GALP: variants seen among roughly 807,000 people sequenced by gnomAD.
GALP encodes the protein galanin like peptide.
A neutral mutation model predicts 15.2 loss-of-function variants in GALP; 12 were observed. The ratio of observed to expected loss-of-function variants is 0.79; its 90% confidence interval spans 0.51 to 1.28. The LOEUF (loss-of-function observed/expected upper bound fraction) is 1.28, where lower values mean the gene tolerates loss of function less well. GALP is among the 50% of genes most tolerant of loss of function. The pLI is 0.00. For synonymous variants in GALP, 58 were observed against 55.1 expected, an observed-to-expected ratio of 1.05 and a Z score of -0.23; for missense variants, 161 against 145.6, an observed-to-expected ratio of 1.11 and a Z score of -0.55.
At chr19:56,180,486 C>T in intron 2 of GALP, 100 bp from the exon 3 acceptor site, 1 of 953,016 alleles carries the variant, frequency 1.0e-6, no homozygotes, top group Non-Finnish European at 1.7e-6. Flanking sequence ...CTCCACAGGC[C>T]AGTGGGAAAG....
chr19:56,184,484 C>CTTTTTTTTTTTTTTTTTTTTT (rs11414322), intron 5 of GALP, among the ~76,000 whole-genome samples: 1 of 117,666 alleles, frequency 8.5e-6, no homozygotes, highest in Admixed American at 1.0e-4. Context: ...TTTTCTTTTT[C>CTTTTTTTTTTTTTTTTTTTTT]TTTTTTTTTT....
chr19:56,184,970 A>G (rs957978416), intron 5 of GALP, among the ~76,000 whole-genome samples: 1 of 152,044 alleles, frequency 6.6e-6, no homozygotes, highest in African/African-American at 2.4e-5. Flanking sequence ...CCTTCTTAAA[A>G]TGTGGGCGGA....
At chr19:56,183,937 G>C (rs1305558692) in intron 5 of GALP, among the ~76,000 whole-genome samples, 1 of 151,684 alleles carries the variant, frequency 6.6e-6, no homozygotes, top group Non-Finnish European at 1.5e-5. Context: ...TCCTAAATAA[G>C]ATCTTTATTT....
At chr19:56,180,459 G>A (rs1041372995) in intron 2 of GALP, 127 bp from the exon 3 acceptor site, 227 of 749,986 alleles carry the variant, frequency 3.0e-4, no homozygotes, top group Non-Finnish European at 7.8e-5. Context: ...GGTGCAATGG[G>A]GATTGAAATG....
At chr19:56,181,435 G>A (rs369210919) in intron 3 of GALP, among the ~76,000 whole-genome samples, 8 of 95,014 alleles carry the variant, frequency 8.4e-5, no homozygotes, top group South Asian at 6.2e-4. Context: ...ATGGAGTTTC[G>A]CCTTGTTATC....
chr19:56,185,295 C>G lies in GALP; in HGVS notation c.*25C>G. The G allele has an allele frequency of 6.8e-7, 1 of 1,480,736 alleles. No individual in the cohort carries two copies. The highest frequency in any genetic ancestry group is 1.2e-5 in the South Asian group (1 of 85,966). 91.7% of individuals were successfully genotyped at this position (1,480,736 alleles called of 1,614,324 possible). A position where few individuals can be genotyped will look rare whatever the true frequency, so the allele number is the denominator to read the frequency against. On this transcript the variant is annotated 3_prime_UTR_variant, in exon 6 of 6. Transcript: ENST00000357330. ...GATGTCTTCAAATCCCTGTTCCTAT[C>G]CTTCTTCTCCAGCTCCTCCTGCTCC... is the stretch of plus-strand genomic sequence containing the variant.
At chr19:56,182,074 C>T in intron 3 of GALP, 98 bp from the exon 4 acceptor site, 1 of 851,882 alleles carries the variant, frequency 1.2e-6, no homozygotes, top group Admixed American at 1.8e-5. Flanking sequence ...GGTGGAGGCG[C>T]TGCGTCCGGT....
chr19:56,176,557 A>G (rs990022367), intron 1 of GALP, among the ~76,000 whole-genome samples: 1 of 134,186 alleles, frequency 7.5e-6, no homozygotes, highest in Non-Finnish European at 1.6e-5. Flanking sequence ...TGCCAGCTGC[A>G]GCGGGGTGAG....
intron 5 of GALP, among the ~76,000 whole-genome samples, chr19:56,184,632 C>T (rs1430987925): frequency 1.3e-5 from 2 of 151,742 alleles, no homozygotes; most frequent in Admixed American, 1.3e-4. Context: ...TACAGGTGCC[C>T]ACCACCACGC....
chr19:56,183,372 G>C (rs543349847), intron 5 of GALP, among the ~76,000 whole-genome samples, 160 bp downstream of exon 5: 1 of 152,090 alleles, frequency 6.6e-6, no homozygotes, highest in African/African-American at 2.4e-5. Flanking sequence ...ACTCAGCCTC[G>C]ACTGTGAATC....
At chr19:56,178,087 G>A (rs2032495873) in intron 2 of GALP, among the ~76,000 whole-genome samples, 1 of 151,942 alleles carries the variant, frequency 6.6e-6, no homozygotes. Context: ...TTACCTTGAT[G>A]GAGTCACTCC....
At chr19:56,176,762 C>A (rs972412234) in intron 1 of GALP, among the ~76,000 whole-genome samples, 16 of 151,450 alleles carry the variant, frequency 1.1e-4, no homozygotes, top group Non-Finnish European at 2.1e-4. Context: ...GGAGAAACCC[C>A]AGCATTGGTG....
chr19:56,182,925 G>A (rs573234901), intron 4 of GALP, among the ~76,000 whole-genome samples: 9 of 152,162 alleles, frequency 5.9e-5, no homozygotes, highest in South Asian at 2.1e-4. Flanking sequence ...CTTGTGTCAC[G>A]GGCGTTTGTT....
chr19:56,182,119 C>A, intron 3 of GALP, 53 bp from the exon 4 acceptor site: 2 of 1,267,466 alleles, frequency 1.6e-6, no homozygotes, highest in Non-Finnish European at 2.3e-6. Context: ...CGATGTGTTT[C>A]TTCAGTTCTA....
intron 5 of GALP, among the ~76,000 whole-genome samples, chr19:56,184,253 G>A (rs2032617030): frequency 6.6e-6 from 1 of 152,108 alleles, no homozygotes; most frequent in Non-Finnish European, 1.5e-5. Flanking sequence ...ACCACGCCAG[G>A]GACCGTTGTA....
rs114753810 is a variant in GALP, at chr19:56,182,341, G to C, written c.217+89G>C. On this transcript the variant is annotated intron_variant, in intron 4 of 5. Transcript: ENST00000357330. ...TGGAAACTGGTAGATGTGAGCTCCA[G>C]CCCTCACCCTGCCGCTTACTATTTG... 1.4e-3 allele frequency: 1,293 copies of C among 912,744 alleles called. 15 individuals carry two copies. In the African/African-American group the frequency reaches 0.02, roughly 14 times the overall value. The allele number at this position is 912,744 out of a possible 1,614,324, so 56.5% of individuals were successfully genotyped here.
At chr19:56,178,521 C>A (rs370128157) in intron 2 of GALP, among the ~76,000 whole-genome samples, 106 of 85,682 alleles carry the variant, frequency 1.2e-3, no homozygotes, top group African/African-American at 2.2e-3. Context: ...ACAACAACAA[C>A]AAAAAAAAAA....
chr19:56,177,669 T>C (rs1039646387), intron 2 of GALP, among the ~76,000 whole-genome samples: 6 of 152,124 alleles, frequency 3.9e-5, no homozygotes, highest in Admixed American at 3.9e-4. Context: ...GACGACACTT[T>C]GAAAACCTTT....
At chr19:56,182,808 T>C (rs988351283) in intron 4 of GALP, among the ~76,000 whole-genome samples, 1 of 152,152 alleles carries the variant, frequency 6.6e-6, no homozygotes, top group African/African-American at 2.4e-5. Context: ...TCTGCCCCCA[T>C]CAGTCTCCCA....
Sources: allele counts gnomAD v4.1 joint callset (sites outside exome capture counted in the v4.1 genomes callset), GRCh38; gene constraint gnomAD v4.1.1; transcripts MANE v1.5; gene names NCBI Gene and HGNC (gene_info 2026-07-23, HGNC 2026-07-21).